Variants in GNAQ observed in about 807,000 individuals in gnomAD.
The protein encoded by GNAQ is guanine nucleotide-binding protein G(q) subunit alpha.
GNAQ carries 8 observed loss-of-function variants against 43.9 expected under a neutral mutation model. The ratio of observed to expected loss-of-function variants is 0.18; its 90% CI spans 0.11 to 0.33. The LOEUF is 0.33. Ranked by LOEUF, GNAQ falls within the 10% of genes least tolerant of loss-of-function variation. The pLI is 1.00. For synonymous variants in GNAQ, 155 were observed against 170.7 expected (o/e 0.91, Z 0.71); for missense variants, 158 against 450.8 (o/e 0.35, Z 5.88).
intron 5 of GNAQ, 44 bp from the exon 6 acceptor site, chr9:77,728,711 A>G (rs756951556): frequency 5.3e-6 from 7 of 1,308,870 alleles, no homozygotes; most frequent in East Asian, 2.3e-5. Context: ...AGTGAATTAC[A>G]TGATTACTTA....
intron 2 of GNAQ, among the ~76,000 whole-genome samples, chr9:77,826,973 A>G (rs1239199383): frequency 6.6e-6 from 1 of 152,218 alleles, no homozygotes; most frequent in Admixed American, 6.5e-5. Context: ...GGTTCTTACC[A>G]ACATGCTGTA....
At chr9:77,962,474 T>TA (rs1296556201) in intron 1 of GNAQ, among the ~76,000 whole-genome samples, 1 of 151,992 alleles carries the variant, frequency 6.6e-6, no homozygotes, top group African/African-American at 2.4e-5. Flanking sequence ...ATTTACTGCT[T>TA]ACAAAAAACA....
intron 2 of GNAQ, among the ~76,000 whole-genome samples, chr9:77,846,643 T>C (rs535724731): frequency 3.9e-5 from 6 of 152,254 alleles, no homozygotes; most frequent in South Asian, 4.1e-4. Context: ...TTCTCCTTTA[T>C]GTGAGGAGAA....
intron 1 of GNAQ, among the ~76,000 whole-genome samples, chr9:78,004,063 C>G (rs1198918690): frequency 6.6e-6 from 1 of 151,954 alleles, no homozygotes; most frequent in Admixed American, 6.6e-5. Flanking sequence ...TGAATTTGCC[C>G]TAGCCACCCA....
At chr9:77,867,278 T>C (rs1827964534) in intron 2 of GNAQ, among the ~76,000 whole-genome samples, 1 of 152,162 alleles carries the variant, frequency 6.6e-6, no homozygotes, top group Non-Finnish European at 1.5e-5. Flanking sequence ...AAAAATTCAT[T>C]TGTATTCCCT....
At chr9:77,936,127 T>C (rs545558757) in intron 1 of GNAQ, among the ~76,000 whole-genome samples, 18 of 152,330 alleles carry the variant, frequency 1.2e-4, no homozygotes, top group African/African-American at 2.9e-4. Flanking sequence ...GCACATATGA[T>C]GACTTCCTAC....
chr9:77,870,871 G>T (rs771470225), intron 2 of GNAQ, among the ~76,000 whole-genome samples: 10 of 151,878 alleles, frequency 6.6e-5, no homozygotes, highest in Non-Finnish European at 1.2e-4. Flanking sequence ...AAACGCAAAT[G>T]ATAGATACTA....
chr9:77,722,983 T>C (rs1825340595), intron 6 of GNAQ, among the ~76,000 whole-genome samples: 1 of 152,186 alleles, frequency 6.6e-6, no homozygotes, highest in Non-Finnish European at 1.5e-5. Flanking sequence ...ATCTATAGAA[T>C]GGGAGAAAAT....
chr9:77,869,546 G>A (rs1328533), intron 2 of GNAQ, among the ~76,000 whole-genome samples: 83,474 of 152,042 alleles, frequency 0.55, 24,092 homozygotes, highest in South Asian at 0.64. Context: ...ATATATAAAT[G>A]TAAAGAGGAC....
intron 5 of GNAQ, among the ~76,000 whole-genome samples, chr9:77,785,636 T>A (rs1398592491): frequency 1.3e-5 from 2 of 152,234 alleles, no homozygotes; most frequent in African/African-American, 2.4e-5. Flanking sequence ...TTTCTATACA[T>A]GTATATGCCA....
chr9:77,772,350 G>A (rs1031980002), intron 5 of GNAQ, among the ~76,000 whole-genome samples: 19 of 152,050 alleles, frequency 1.2e-4, no homozygotes, highest in African/African-American at 3.9e-4. Context: ...ACTGCTGTGC[G>A]GAAACTCCCA....
At chr9:77,745,157 A>G in intron 5 of GNAQ, among the ~76,000 whole-genome samples, 1 of 152,158 alleles carries the variant, frequency 6.6e-6, no homozygotes, top group East Asian at 1.9e-4. Context: ...GGAAAAGTCG[A>G]GTAGGCACCT....
At chr9:77,855,498 C>A (rs929246636) in intron 2 of GNAQ, among the ~76,000 whole-genome samples, 2 of 152,026 alleles carry the variant, frequency 1.3e-5, no homozygotes, top group Non-Finnish European at 2.9e-5. Flanking sequence ...ATATTACTAG[C>A]CCAATTATGT....
At chr9:77,793,693 T>C (rs1484580214) in intron 5 of GNAQ, among the ~76,000 whole-genome samples, 5 of 152,052 alleles carry the variant, frequency 3.3e-5, no homozygotes, top group Non-Finnish European at 5.9e-5. Context: ...GTCTTCCCCG[T>C]TCCCCCAACA....
chr9:77,775,502 C>T (rs946475396), intron 5 of GNAQ, among the ~76,000 whole-genome samples: 6 of 151,372 alleles, frequency 4.0e-5, no homozygotes, highest in South Asian at 2.1e-4. Context: ...CTCTGCCTCC[C>T]GGGTTCACGC....
intron 5 of GNAQ, among the ~76,000 whole-genome samples, chr9:77,767,324 C>T (rs1040250412): frequency 6.6e-6 from 1 of 152,024 alleles, no homozygotes; most frequent in Non-Finnish European, 1.5e-5. Context: ...CCAGTAGCAC[C>T]CCCTAATTGT....
chr9:77,739,053 A>T (rs1399838690), intron 5 of GNAQ, among the ~76,000 whole-genome samples: 2 of 152,216 alleles, frequency 1.3e-5, no homozygotes, highest in African/African-American at 4.8e-5. Context: ...TGCAAATTTT[A>T]AGGCTCTTGG....
intron 5 of GNAQ, among the ~76,000 whole-genome samples, chr9:77,739,541 T>C (rs916912377): frequency 5.9e-5 from 9 of 152,226 alleles, no homozygotes; most frequent in Admixed American, 6.5e-5. Flanking sequence ...TAAAACAGCT[T>C]TGATATTTCT....
chr9:77,969,779 G>C (rs1186834598), intron 1 of GNAQ, among the ~76,000 whole-genome samples: 1 of 152,112 alleles, frequency 6.6e-6, no homozygotes, highest in Non-Finnish European at 1.5e-5. Context: ...ATATCCATCA[G>C]GCATGTAATG....
Sources: gnomAD v4.1 joint callset for allele counts (sites outside exome capture counted in the v4.1 genomes callset) on GRCh38, gnomAD v4.1.1 for gene constraint, MANE v1.5 for transcripts, NCBI Gene and HGNC (gene_info 2026-07-23, HGNC 2026-07-21) for gene names.